ARL6: variants seen among roughly 807,000 people sequenced by gnomAD.
ARL6 encodes ARF like GTPase 6, also known as ADP-ribosylation factor-like protein 6.
In ARL6, 18 loss-of-function variants were observed where a neutral mutation model predicts 27.1. The observed-to-expected ratio is 0.66, with a 90% CI of 0.46 to 0.98. The LOEUF (loss-of-function observed/expected upper bound fraction) is 0.98, where lower values mean the gene tolerates loss of function less well. ARL6 is among the 50% of genes least tolerant of loss of function. The pLI is 0.00. For synonymous variants in ARL6, 65 were observed against 72.3 expected (o/e 0.90, Z 0.51); for missense variants, 187 against 214.9 (o/e 0.87, Z 0.81).
intron 2 of ARL6, among the ~76,000 whole-genome samples, chr3:97,778,392 TTTCTAC>T (rs1171611720): frequency 1.3e-5 from 2 of 152,126 alleles, no homozygotes; most frequent in African/African-American, 4.8e-5. Flanking sequence ...CTGGAGGGCC[TTTCTAC>T]TAGTGCATTA....
chr3:97,779,357 C>T (rs2037066439), intron 2 of ARL6, among the ~76,000 whole-genome samples: 2 of 152,114 alleles, frequency 1.3e-5, no homozygotes, highest in Admixed American at 1.3e-4. Context: ...GTCAGATGGC[C>T]CCTACTCAGA....
At chr3:97,785,133 A>C (rs550204840) in intron 5 of ARL6, 84 bp downstream of exon 5, 1 of 1,008,512 alleles carries the variant, frequency 9.9e-7, no homozygotes, top group African/African-American at 1.6e-5. Context: ...TGCTTATACT[A>C]TGTAATTATC....
At chr3:97,768,003 C>T (rs2036463752) in intron 1 of ARL6, 78 bp from the exon 2 acceptor site, 1 of 1,304,926 alleles carries the variant, frequency 7.7e-7, no homozygotes, top group Non-Finnish European at 1.1e-6. Flanking sequence ...AAATTATTAC[C>T]TTTTTTTAAT....
chr3:97,786,244 C>G (rs777901652), intron 5 of ARL6, among the ~76,000 whole-genome samples: 1 of 151,654 alleles, frequency 6.6e-6, no homozygotes, highest in Non-Finnish European at 1.5e-5. Flanking sequence ...GCTCAGGAGG[C>G]TGAAGCAGGA....
intron 1 of ARL6, among the ~76,000 whole-genome samples, chr3:97,765,272 C>T (rs1202908022): frequency 1.3e-5 from 2 of 148,350 alleles, no homozygotes; most frequent in African/African-American, 5.0e-5. Flanking sequence ...TAAATTATAT[C>T]ATAAAAAACT....
rs1454293341 is a variant in ARL6 at position 97,783,858 on chromosome 3, T to G, written c.255-1097T>G. On this transcript the variant is annotated intron_variant, in intron 4 of 7. Transcript: ENST00000463745. Reference sequence around the variant, plus strand: ...AATGAACTAGATCAAGATAATATGCTGTTAGAATGGCAATTATTGAAAAGA... The same window carrying G: ...AATGAACTAGATCAAGATAATATGCGGTTAGAATGGCAATTATTGAAAAGA... 2.6e-5 allele frequency among the ~76,000 whole-genome samples: 4 copies of G among 151,760 alleles called. No individual in the cohort carries two copies. In the East Asian group the frequency reaches 7.7e-4, roughly 29 times the overall value.
At chr3:97,767,311 G>A (rs2036430769) in intron 1 of ARL6, among the ~76,000 whole-genome samples, 1 of 152,046 alleles carries the variant, frequency 6.6e-6, no homozygotes, top group African/African-American at 2.4e-5. Context: ...ATAGCACTTA[G>A]GAGGATGTTT....
At chr3:97,770,232 C>T (rs2107988449) in intron 2 of ARL6, among the ~76,000 whole-genome samples, 1 of 152,162 alleles carries the variant, frequency 6.6e-6, no homozygotes, top group African/African-American at 2.4e-5. Flanking sequence ...GCAATTTTAA[C>T]TGGGGTGAAA....
rs779384199 is a variant in ARL6, at chr3:97,784,955, A to G, written c.255A>G (p.Lys85=). Reference sequence around the variant, plus strand: ...TTTTCTTTTTCTTTACATTACACAGAGAAGGCCAAGCTATTATTTTTGTCA... The same window carrying G: ...TTTTCTTTTTCTTTACATTACACAGGGAAGGCCAAGCTATTATTTTTGTCA... ...RYRNLWEHYY[K]EGQAIIFVID... The change falls in exon 5 of 8, where the codon AAA becomes AAG. Residue 85 remains lysine, a splice_region_variant and synonymous_variant. Coordinates refer to ENST00000463745, the MANE Select transcript of ARL6 (RefSeq NM_001278293.3). 84 of 1,610,340 alleles carry G rather than the reference A, an allele frequency of 5.2e-5. No individual in the cohort carries two copies. Among genetic ancestry groups the G allele is most frequent in the Non-Finnish European group, 7.0e-5 (82 of 1,176,950 alleles).
chr3:97,778,876 AAGTT>A (rs2037038309), intron 2 of ARL6, among the ~76,000 whole-genome samples: 3 of 152,170 alleles, frequency 2.0e-5, no homozygotes, highest in South Asian at 2.1e-4. Flanking sequence ...GGTCTGAACT[AAGTT>A]AGTGAGATAG....
chr3:97,767,628 A>G (rs931190653), intron 1 of ARL6, among the ~76,000 whole-genome samples: 2 of 152,166 alleles, frequency 1.3e-5, no homozygotes, highest in Admixed American at 1.3e-4. Context: ...AAATGATATC[A>G]CCAAAATCTC....
At chr3:97,794,417 T>A (rs1576478222) in intron 7 of ARL6, among the ~76,000 whole-genome samples, 1 of 151,956 alleles carries the variant, frequency 6.6e-6, no homozygotes, top group South Asian at 2.1e-4. Context: ...TTTCACCATG[T>A]TGGGAAGGCT....
At chr3:97,772,912 G>A (rs564641372) in intron 2 of ARL6, among the ~76,000 whole-genome samples, 6 of 152,058 alleles carry the variant, frequency 3.9e-5, no homozygotes, top group Admixed American at 6.5e-5. Context: ...GAGCCACCAC[G>A]CCTGGCTGCT....
chr3:97,790,492 AAG>A (rs1424894000), intron 6 of ARL6, among the ~76,000 whole-genome samples: 2 of 152,124 alleles, frequency 1.3e-5, no homozygotes, highest in Non-Finnish European at 2.9e-5. Flanking sequence ...TTTGAGAGGA[AAG>A]ATAGAATTCG....
rs575933854 is a variant in ARL6 at position 97,799,079 on chromosome 3, G to T, written c.*1030G>T. On this transcript the variant is annotated 3_prime_UTR_variant, in exon 8 of 8. Coordinates refer to ENST00000463745, the MANE Select transcript of ARL6 (RefSeq NM_001278293.3). ...CACTTATAATTGTGAACTCTAAATAGAAACCTTCATTTTAATCACTGAGCA... is the reference window on the plus strand; with the variant it reads ...CACTTATAATTGTGAACTCTAAATATAAACCTTCATTTTAATCACTGAGCA... The T allele has an allele frequency of 5.7e-4, 86 of 152,088 alleles. No individual in the cohort carries two copies. Among genetic ancestry groups the T allele is most frequent in the African/African-American group, 2.0e-3 (84 of 41,540 alleles). The allele number at this position is 152,088 out of a possible 1,614,324, so 9.4% of individuals were successfully genotyped here. A position where few individuals can be genotyped will look rare whatever the true frequency, so the allele number is the denominator to read the frequency against.
At chr3:97,793,156 T>C (rs373621977) in intron 7 of ARL6, among the ~76,000 whole-genome samples, 77 of 152,346 alleles carry the variant, frequency 5.1e-4, no homozygotes, top group African/African-American at 1.8e-3. Context: ...GGACAGACTA[T>C]TGTACTTCTG....
chr3:97,796,124 C>T (rs890364727), intron 7 of ARL6, among the ~76,000 whole-genome samples: 6 of 152,232 alleles, frequency 3.9e-5, no homozygotes, highest in African/African-American at 7.2e-5. Context: ...TTCACTTATA[C>T]ATATGAACAG....
chr3:97,765,349 TAC>T (rs1183551681), intron 1 of ARL6, among the ~76,000 whole-genome samples: 2 of 152,132 alleles, frequency 1.3e-5, no homozygotes, highest in African/African-American at 4.8e-5. Context: ...ACAAACACTT[TAC>T]AGAGTTTACT....
At chr3:97,789,906 A>G (rs955177124) in intron 6 of ARL6, among the ~76,000 whole-genome samples, 1 of 149,780 alleles carries the variant, frequency 6.7e-6, no homozygotes, top group Non-Finnish European at 1.5e-5. Context: ...AAGATCCTAG[A>G]GAAGTATAGT....
Sources: gnomAD v4.1 joint callset for allele counts (sites outside exome capture counted in the v4.1 genomes callset) on GRCh38, gnomAD v4.1.1 for gene constraint, MANE v1.5 for transcripts, NCBI Gene and HGNC (gene_info 2026-07-23, HGNC 2026-07-21) for gene names.